FSTL5: variants seen among roughly 807,000 people sequenced by gnomAD.
The protein encoded by FSTL5 is follistatin like 5.
A neutral mutation model predicts 89.1 loss-of-function variants in FSTL5; 62 were observed. That is an observed-to-expected ratio of 0.70 (90% CI 0.57 to 0.86). The LOEUF is 0.86. Ranked by LOEUF, FSTL5 falls within the 40% of genes least tolerant of loss-of-function variation. FSTL5 has a pLI of 0.00. For missense variants in FSTL5, 1,057 were observed against 1,001.6 expected, an observed-to-expected ratio of 1.06 and a Z score of -0.75; for synonymous variants, 383 against 346.2, an observed-to-expected ratio of 1.11 and a Z score of -1.18.
chr4:161,413,922 G>T (rs1578954716), intron 15 of FSTL5, among the ~76,000 whole-genome samples: 1 of 152,226 alleles, frequency 6.6e-6, no homozygotes, highest in Middle Eastern at 3.4e-3. Context: ...ACACTAAAAG[G>T]TGGAGGGCGG....
chr4:162,112,322 C>A (rs1156592420), intron 1 of FSTL5, among the ~76,000 whole-genome samples: 8 of 152,148 alleles, frequency 5.3e-5, no homozygotes, highest in Non-Finnish European at 1.2e-4. Context: ...GTTATGTAGG[C>A]TGGAGTGCAA....
chr4:161,516,564 A>G (rs1455753847), intron 10 of FSTL5, among the ~76,000 whole-genome samples: 12 of 92,784 alleles, frequency 1.3e-4, no homozygotes, highest in Non-Finnish European at 2.0e-4. Flanking sequence ...TATATTTCAT[A>G]TAGTAAATTA....
chr4:161,947,400 A>T (rs960410262), intron 3 of FSTL5, among the ~76,000 whole-genome samples: 1 of 152,074 alleles, frequency 6.6e-6, no homozygotes, highest in Non-Finnish European at 1.5e-5. Flanking sequence ...ACTATGATAC[A>T]TCTTGAGTTA....
chr4:162,048,275 G>T (rs531556855), intron 2 of FSTL5, among the ~76,000 whole-genome samples: 1 of 151,984 alleles, frequency 6.6e-6, no homozygotes, highest in East Asian at 1.9e-4. Context: ...TGCAGTGAGC[G>T]GCGATGGTGT....
In FSTL5 at chr4:161,386,281, G is replaced by C; in HGVS notation, c.2010C>G (p.Thr670=). ...YYFIGCKPDS[T]GAVSPQVMVD... ...CCATGACCTGTGGGGAAACTGCTCC[G>C]GTGCTGTCAGGTTTGCAGCCAATGA... The change falls in exon 16 of 16, where the codon ACC becomes ACG. Residue 670 remains threonine (T), a synonymous_variant. Coordinates refer to ENST00000306100, the MANE Select transcript of FSTL5 (RefSeq NM_020116.5). The C allele has an allele frequency of 6.2e-7, 1 of 1,613,902 alleles. No individual in the cohort carries two copies. Among genetic ancestry groups the C allele is most frequent in the South Asian group, 1.1e-5 (1 of 91,068 alleles).
intron 5 of FSTL5, among the ~76,000 whole-genome samples, chr4:161,768,065 C>A (rs1741080118): frequency 6.6e-6 from 1 of 152,048 alleles, no homozygotes; most frequent in Non-Finnish European, 1.5e-5. Context: ...GAGGCAGAAA[C>A]CCTCAAGAGA....
chr4:161,516,724 T>C (rs201456956), intron 10 of FSTL5, among the ~76,000 whole-genome samples: 1 of 127,300 alleles, frequency 7.9e-6, no homozygotes, highest in African/African-American at 3.0e-5. Context: ...TATATATATG[T>C]ACACACACAC....
At chr4:161,903,081 T>C (rs1314221387) in intron 4 of FSTL5, among the ~76,000 whole-genome samples, 1 of 152,180 alleles carries the variant, frequency 6.6e-6, no homozygotes, top group Non-Finnish European at 1.5e-5. Flanking sequence ...TTCAAGACTT[T>C]TGAAATGTTA....
chr4:161,502,205 G>A (rs1730316216), intron 11 of FSTL5, among the ~76,000 whole-genome samples: 2 of 151,734 alleles, frequency 1.3e-5, no homozygotes, highest in Non-Finnish European at 2.9e-5. Context: ...ACTTTTATTA[G>A]GTTGTTTTAC....
At chr4:161,786,459 T>C (rs1006777374) in intron 4 of FSTL5, among the ~76,000 whole-genome samples, 4 of 152,106 alleles carry the variant, frequency 2.6e-5, no homozygotes, top group African/African-American at 4.8e-5. Flanking sequence ...ATTACTTCTT[T>C]TAAGCACAGT....
At chr4:162,122,292 G>A (rs180807673) in intron 1 of FSTL5, among the ~76,000 whole-genome samples, 98 of 152,188 alleles carry the variant, frequency 6.4e-4, no homozygotes, top group African/African-American at 2.2e-3. Context: ...CTCATAAACT[G>A]ATTTTCTTAA....
At chr4:162,150,638 T>A (rs531969522) in intron 1 of FSTL5, among the ~76,000 whole-genome samples, 39 of 152,064 alleles carry the variant, frequency 2.6e-4, no homozygotes, top group Middle Eastern at 6.8e-3. Context: ...AAATCCAGAG[T>A]GCATTTTTAC....
intron 7 of FSTL5, among the ~76,000 whole-genome samples, chr4:161,602,126 G>A (rs1292694329): frequency 6.0e-5 from 9 of 151,022 alleles, no homozygotes; most frequent in Admixed American, 5.3e-4. Context: ...AATGGAAAAA[G>A]CAAAAAAGTG....
intron 6 of FSTL5, among the ~76,000 whole-genome samples, chr4:161,678,265 A>G (rs1737380243): frequency 6.6e-6 from 1 of 151,828 alleles, no homozygotes; most frequent in South Asian, 2.1e-4. Context: ...GATCAAGCTC[A>G]CAGAGTCCAC....
intron 2 of FSTL5, chr4:162,043,103 AAC>A (rs1458366832): frequency 2.6e-5 from 4 of 152,202 alleles, no homozygotes; most frequent in African/African-American, 9.6e-5. Flanking sequence ...TAATAAAAAA[AAC>A]AAAACAAACA....
At chr4:161,482,397 G>GA (rs1440739765) in intron 12 of FSTL5, among the ~76,000 whole-genome samples, 2 of 145,904 alleles carry the variant, frequency 1.4e-5, no homozygotes, top group African/African-American at 2.5e-5. Context: ...TATTTCATTT[G>GA]ATTTTTTGTC....
chr4:161,703,210 C>T (rs913338014), intron 6 of FSTL5, among the ~76,000 whole-genome samples: 1 of 151,976 alleles, frequency 6.6e-6, no homozygotes, highest in Non-Finnish European at 1.5e-5. Context: ...TTTCAACGAC[C>T]CAGTCTGTGG....
At chr4:161,546,695 T>A (rs906355400) in intron 8 of FSTL5, among the ~76,000 whole-genome samples, 2 of 152,006 alleles carry the variant, frequency 1.3e-5, no homozygotes, top group Non-Finnish European at 2.9e-5. Context: ...AAAAGTCTTA[T>A]AACATTTAAA....
chr4:162,079,784 T>C (rs1161309319), intron 2 of FSTL5, among the ~76,000 whole-genome samples: 1 of 151,352 alleles, frequency 6.6e-6, no homozygotes, highest in African/African-American at 2.4e-5. Context: ...GAATATTCAA[T>C]CACATCAAAC....
Sources: gnomAD v4.1 joint callset for allele counts (sites outside exome capture counted in the v4.1 genomes callset) on GRCh38, gnomAD v4.1.1 for gene constraint, MANE v1.5 for transcripts, NCBI Gene and HGNC (gene_info 2026-07-23, HGNC 2026-07-21) for gene names.